The following SHISA9 variants were observed in gnomAD, a reference collection of about 807,000 sequenced individuals.
SHISA9 encodes the protein protein shisa-9.
Under a neutral mutation model 38.0 loss-of-function variants are expected in SHISA9, and 13 were observed. That is an observed-to-expected ratio of 0.34 (90% CI 0.22 to 0.54). The LOEUF is 0.54. Ranked by LOEUF, SHISA9 falls within the 20% of genes least tolerant of loss-of-function variation. SHISA9 has a pLI of 0.91. For synonymous variants in SHISA9, 275 were observed against 242.0 expected, an observed-to-expected ratio of 1.14 and a Z score of -1.27; for missense variants, 538 against 575.8, an observed-to-expected ratio of 0.93 and a Z score of 0.67.
chr16:13,480,303 G>A, the SHISA9 span, among the ~76,000 whole-genome samples: 5 of 152,290 alleles, frequency 3.3e-5, no homozygotes, highest in Admixed American at 2.0e-4. Flanking sequence ...TGCCGAAGAC[G>A]TCATTAGCAG....
intron 2 of SHISA9, among the ~76,000 whole-genome samples, chr16:13,148,231 A>C (rs2050464930): frequency 6.6e-6 from 1 of 152,004 alleles, no homozygotes; most frequent in Admixed American, 6.6e-5. Flanking sequence ...ATGTCCCCGC[A>C]CACCCGAATA....
chr16:13,074,817 A>G (rs1217908470), intron 2 of SHISA9, among the ~76,000 whole-genome samples: 1 of 151,758 alleles, frequency 6.6e-6, no homozygotes, highest in Non-Finnish European at 1.5e-5. Flanking sequence ...GGCACATGCC[A>G]CCATGCCTGG....
intron 2 of SHISA9, among the ~76,000 whole-genome samples, chr16:13,000,835 C>T (rs905831890): frequency 6.6e-6 from 1 of 152,168 alleles, no homozygotes; most frequent in Non-Finnish European, 1.5e-5. Context: ...GACTGAGAGG[C>T]TACAATTTCA....
chr16:12,972,067 G>GTGTGTGTA (rs2072091725), intron 2 of SHISA9, among the ~76,000 whole-genome samples: 1 of 151,700 alleles, frequency 6.6e-6, no homozygotes, highest in Non-Finnish European at 1.5e-5. Flanking sequence ...GTGTGTGTGT[G>GTGTGTGTA]TGTGTGTGTG....
chr16:13,016,218 G>A lies in SHISA9; in HGVS notation c.691+99403G>A, dbSNP rs187369635. Among the ~76,000 whole-genome samples, 254 of 151,756 alleles carry A rather than the reference G, an allele frequency of 1.7e-3. 2 individuals carry two copies. The highest frequency in any genetic ancestry group is 5.9e-3 in the African/African-American group (243 of 41,346). On this transcript the variant is annotated intron_variant, in intron 2 of 4. Coordinates refer to ENST00000558583, the MANE Select transcript of SHISA9 (RefSeq NM_001145204.3). ...TGGTCTTGAACTCCTAAAGTGATCT[G>A]CCTATCTTGGCCTCCCAAAGTGTTG...
At chr16:13,557,680 T>A in the SHISA9 span, among the ~76,000 whole-genome samples, 1 of 152,152 alleles carries the variant, frequency 6.6e-6, no homozygotes, top group African/African-American at 2.4e-5. Flanking sequence ...ACTTTGAGGA[T>A]AATTTACTGC....
intron 2 of SHISA9, among the ~76,000 whole-genome samples, chr16:13,123,015 C>G (rs1055225704): frequency 6.6e-6 from 1 of 151,982 alleles, no homozygotes; most frequent in Non-Finnish European, 1.5e-5. Context: ...CCACTGAACC[C>G]CAGCCTGGGC....
rs796967531 is a variant in SHISA9, at chr16:12,975,662, G to GT, written c.691+58847_691+58848insT. Among the ~76,000 whole-genome samples the GT allele has an allele frequency of 1.5e-3, 208 of 142,338 alleles. 3 individuals are homozygous for GT. Among genetic ancestry groups the GT allele is most frequent in the Non-Finnish European group, 2.5e-3 (164 of 65,882 alleles). 93.4% of individuals were successfully genotyped at this position (142,338 alleles called of 152,430 possible). A position where few individuals can be genotyped will look rare whatever the true frequency, so the allele number is the denominator to read the frequency against. On this transcript the variant is annotated intron_variant, in intron 2 of 4. Coordinates refer to ENST00000558583, the MANE Select transcript of SHISA9 (RefSeq NM_001145204.3). The stretch of plus-strand genomic sequence containing the variant: ...GGGTGGGGTGGGACGGGGGCGGGGG[G>GT]GGTAAGGGCATGTCACTATGAATAG...
At chr16:13,225,193 A>T (rs899592433) in intron 4 of SHISA9, among the ~76,000 whole-genome samples, 1 of 152,220 alleles carries the variant, frequency 6.6e-6, no homozygotes, top group Non-Finnish European at 1.5e-5. Flanking sequence ...GATGCCAAGG[A>T]TTGCCAGCAA....
At chr16:13,507,682 A>G in the SHISA9 span, among the ~76,000 whole-genome samples, 1 of 152,178 alleles carries the variant, frequency 6.6e-6, no homozygotes, top group Non-Finnish European at 1.5e-5. Context: ...TGCAACAGGA[A>G]GTCAAACACA....
intron 3 of SHISA9, among the ~76,000 whole-genome samples, chr16:13,209,891 G>A (rs2051101106): frequency 6.6e-6 from 1 of 152,202 alleles, no homozygotes; most frequent in Admixed American, 6.5e-5. Flanking sequence ...ACGGGGTCAG[G>A]AGATCGAGAC....
chr16:13,477,956 C>T, the SHISA9 span, among the ~76,000 whole-genome samples: 1 of 152,168 alleles, frequency 6.6e-6, no homozygotes, highest in Non-Finnish European at 1.5e-5. Context: ...CAGAGCGAGA[C>T]TCCATCTCAG....
the SHISA9 span, among the ~76,000 whole-genome samples, chr16:13,431,007 G>A: frequency 3.6e-4 from 55 of 152,232 alleles, 1 homozygote; most frequent in East Asian, 5.2e-3. Context: ...AGCAGAGAAG[G>A]TCTCCTCAGG....
intron 4 of SHISA9, among the ~76,000 whole-genome samples, chr16:13,226,506 G>A (rs949047813): frequency 6.6e-6 from 1 of 152,218 alleles, no homozygotes; most frequent in African/African-American, 2.4e-5. Flanking sequence ...TATCCTTTCA[G>A]GTTCTTGAAG....
At chr16:13,317,069 G>A in the SHISA9 span, among the ~76,000 whole-genome samples, 11 of 152,180 alleles carry the variant, frequency 7.2e-5, no homozygotes, top group African/African-American at 2.7e-4. Flanking sequence ...TGCTTCCAGA[G>A]GCCAGTAGAG....
At chr16:13,194,003 C>T (rs989239883) in intron 2 of SHISA9, among the ~76,000 whole-genome samples, 1 of 152,190 alleles carries the variant, frequency 6.6e-6, no homozygotes, top group South Asian at 2.1e-4. Context: ...ACTCATCCAA[C>T]ATTCCTCCCC....
At chr16:13,218,725 T>A (rs1388461500) in intron 4 of SHISA9, among the ~76,000 whole-genome samples, 4 of 152,198 alleles carry the variant, frequency 2.6e-5, no homozygotes. Flanking sequence ...TAGCCCATAG[T>A]AGGTACTCAG....
chr16:13,475,304 G>A, the SHISA9 span, among the ~76,000 whole-genome samples: 1 of 130,376 alleles, frequency 7.7e-6, no homozygotes, highest in South Asian at 2.4e-4. Flanking sequence ...TGTCAAAAAT[G>A]AGGAAACATA....
the SHISA9 span, among the ~76,000 whole-genome samples, chr16:13,536,022 G>A: frequency 0.11 from 15,956 of 146,866 alleles, 994 homozygotes; most frequent in Non-Finnish European, 0.15. Context: ...TTTTTGAAAC[G>A]AAGTCTCACC....
Sources: allele counts gnomAD v4.1 joint callset (sites outside exome capture counted in the v4.1 genomes callset), GRCh38; gene constraint gnomAD v4.1.1; transcripts MANE v1.5; gene names NCBI Gene and HGNC (gene_info 2026-07-23, HGNC 2026-07-21).